GLRB: variants seen among roughly 807,000 people sequenced by gnomAD.
The protein encoded by GLRB is glycine receptor subunit beta.
Under a neutral mutation model 54.2 loss-of-function variants are expected in GLRB, and 33 were observed. The observed-to-expected ratio is 0.61, with a 90% CI of 0.46 to 0.81. The LOEUF is 0.81. Ranked by LOEUF, GLRB falls within the 40% of genes least tolerant of loss-of-function variation. The pLI is 0.00. For missense variants in GLRB, 572 were observed against 584.6 expected (o/e 0.98, Z 0.22); for synonymous variants, 209 against 208.2 (o/e 1.00, Z -0.03).
At position 157,118,967 on chromosome 4, in the gene GLRB, A is replaced by G. The variant is rs551881369; in HGVS notation, c.123-1589A>G. 5.9e-5 allele frequency among the ~76,000 whole-genome samples: 9 copies of G among 151,702 alleles called. No individual in the cohort carries two copies. The East Asian group carries it at 1.6e-3, about 26-fold the overall frequency. ...TAGGTAATGGGAAAAATTATTATGC[A>G]TAAGACTTTATGAGGGGTAAAATAA... On this transcript the variant is annotated intron_variant, in intron 2 of 9. Coordinates refer to ENST00000264428, the MANE Select transcript of GLRB (RefSeq NM_000824.5).
intron 4 of GLRB, among the ~76,000 whole-genome samples, chr4:157,131,968 G>A (rs72980536): frequency 0.085 from 12,912 of 151,770 alleles, 1,503 homozygotes; most frequent in African/African-American, 0.27. Context: ...AGTATGTTTC[G>A]TTTTGTAAGA....
At chr4:157,109,066 T>C (rs1282455790) in intron 2 of GLRB, among the ~76,000 whole-genome samples, 1 of 152,146 alleles carries the variant, frequency 6.6e-6, no homozygotes, top group Non-Finnish European at 1.5e-5. Context: ...CTATTATACA[T>C]TTAGCAGACT....
chr4:157,132,417 T>C (rs1337722820), intron 4 of GLRB, among the ~76,000 whole-genome samples: 1 of 151,864 alleles, frequency 6.6e-6, no homozygotes, highest in Non-Finnish European at 1.5e-5. Flanking sequence ...ATTGTATTGT[T>C]GATGAAACTG....
rs776888222 is a variant in GLRB at position 157,152,700 on chromosome 4, C to A, written c.905-18C>A. 1.2e-6 allele frequency: 2 copies of A among 1,608,926 alleles called. No individual in the cohort carries two copies. Among genetic ancestry groups the A allele is most frequent in the African/African-American group, 2.7e-5 (2 of 74,770 alleles). On this transcript the variant is annotated intron_variant, in intron 8 of 9. Coordinates refer to ENST00000264428, the MANE Select transcript of GLRB (RefSeq NM_000824.5). ...TAGGGATAAAAAGCAACTTTCATTC[C>A]TCTTTCTGTTTCTGTAGGTATCTTC...
intron 2 of GLRB, among the ~76,000 whole-genome samples, chr4:157,111,533 G>A (rs1735418576): frequency 6.6e-6 from 1 of 152,074 alleles, no homozygotes; most frequent in Non-Finnish European, 1.5e-5. Context: ...GTGGGGATTA[G>A]GGCTGGAGGG....
intron 9 of GLRB, among the ~76,000 whole-genome samples, chr4:157,160,872 A>G (rs1301547675): frequency 6.6e-6 from 1 of 152,120 alleles, no homozygotes; most frequent in Non-Finnish European, 1.5e-5. Context: ...GCTGAGTTCA[A>G]TTCCTGGATA....
chr4:157,084,886 G>A (rs895726205), intron 2 of GLRB, among the ~76,000 whole-genome samples: 2 of 152,100 alleles, frequency 1.3e-5, no homozygotes, highest in African/African-American at 4.8e-5. Flanking sequence ...ACTTCCTAGT[G>A]GAAATATTCG....
At chr4:157,142,932 C>T (rs188066609) in intron 7 of GLRB, among the ~76,000 whole-genome samples, 8 of 152,198 alleles carry the variant, frequency 5.3e-5, no homozygotes, top group East Asian at 1.9e-4. Flanking sequence ...AAGAAATAAT[C>T]TCGAACATCT....
intron 9 of GLRB, among the ~76,000 whole-genome samples, chr4:157,154,539 T>G (rs1460867994): frequency 6.7e-6 from 1 of 148,772 alleles, no homozygotes; most frequent in Non-Finnish European, 1.5e-5. Context: ...ACGATTCTCC[T>G]GCCTCAGCCT....
At chr4:157,143,011 G>A (rs554457699) in intron 7 of GLRB, among the ~76,000 whole-genome samples, 8 of 152,170 alleles carry the variant, frequency 5.3e-5, no homozygotes, top group East Asian at 3.9e-4. Context: ...TTCTCAAGGC[G>A]GCAAAGGCTA....
intron 1 of GLRB, 94 bp downstream of exon 1, chr4:157,076,391 C>A (rs561338916): frequency 1.3e-5 from 2 of 151,878 alleles, no homozygotes; most frequent in South Asian, 4.1e-4. Context: ...GCGGAAACAG[C>A]GGGTCAAGCC....
At chr4:157,085,447 A>G (rs1224613400) in intron 2 of GLRB, among the ~76,000 whole-genome samples, 2 of 151,864 alleles carry the variant, frequency 1.3e-5, no homozygotes, top group Non-Finnish European at 2.9e-5. Context: ...CTTCCTAGTT[A>G]TTCACCCTAG....
chr4:157,169,508 C>T (rs557172842), intron 9 of GLRB, among the ~76,000 whole-genome samples: 198 of 152,136 alleles, frequency 1.3e-3, no homozygotes, highest in African/African-American at 4.4e-3. Context: ...TCTATGCATA[C>T]TCAAGTCCCT....
At chr4:157,084,604 A>G (rs1734340354) in intron 2 of GLRB, 2 of 456,092 alleles carry the variant, frequency 4.4e-6, no homozygotes, top group Non-Finnish European at 8.8e-6. Context: ...CATAAACTAA[A>G]AATTGTGTGT....
At chr4:157,082,425 A>G (rs1446891041) in intron 2 of GLRB, among the ~76,000 whole-genome samples, 1 of 152,192 alleles carries the variant, frequency 6.6e-6, no homozygotes, top group Non-Finnish European at 1.5e-5. Flanking sequence ...CCAGCAAGCA[A>G]CATAGCTCCT....
At chr4:157,138,309 C>T (rs951841940) in intron 6 of GLRB, among the ~76,000 whole-genome samples, 1 of 152,082 alleles carries the variant, frequency 6.6e-6, no homozygotes, top group African/African-American at 2.4e-5. Flanking sequence ...CTCCTGACCT[C>T]GTGATCCACC....
At chr4:157,130,714 T>G (rs917083474) in intron 4 of GLRB, among the ~76,000 whole-genome samples, 2 of 151,722 alleles carry the variant, frequency 1.3e-5, no homozygotes, top group East Asian at 3.9e-4. Context: ...AACATGGGTG[T>G]ACAAGTGTAT....
intron 9 of GLRB, among the ~76,000 whole-genome samples, chr4:157,166,960 A>T (rs185288164): frequency 1.3e-5 from 2 of 152,268 alleles, no homozygotes; most frequent in Non-Finnish European, 2.9e-5. Flanking sequence ...TTTGTGGCCT[A>T]GGTTATAATA....
chr4:157,083,344 C>A (rs1276435556), intron 2 of GLRB, among the ~76,000 whole-genome samples: 1 of 152,016 alleles, frequency 6.6e-6, no homozygotes, highest in Non-Finnish European at 1.5e-5. Flanking sequence ...TAATTAAAAG[C>A]AGTACTAATG....
Sources: allele counts gnomAD v4.1 joint callset (sites outside exome capture counted in the v4.1 genomes callset), GRCh38; gene constraint gnomAD v4.1.1; transcripts MANE v1.5; gene names NCBI Gene and HGNC (gene_info 2026-07-23, HGNC 2026-07-21).